VPS13B: variants seen among roughly 807,000 people sequenced by gnomAD.
VPS13B encodes vacuolar protein sorting 13 homolog B, also known as intermembrane lipid transfer protein VPS13B.
VPS13B carries 285 observed loss-of-function variants against 426.4 expected under a neutral mutation model. The observed-to-expected ratio is 0.67, with a 90% confidence interval of 0.61 to 0.74. VPS13B has a LOEUF of 0.74. Ranked by LOEUF, VPS13B falls within the 30% of genes least tolerant of loss-of-function variation. The pLI, the probability that VPS13B is intolerant of heterozygous loss-of-function variation, is 0.00. For missense variants in VPS13B, 4,537 were observed against 4,782.6 expected (o/e 0.95, Z 1.51); for synonymous variants, 1,676 against 1,676.4 (o/e 1.00, Z 0.01).
At chr8:99,041,446 C>T (rs1183071195) in intron 3 of VPS13B, among the ~76,000 whole-genome samples, 2 of 152,204 alleles carry the variant, frequency 1.3e-5, no homozygotes, top group Non-Finnish European at 2.9e-5. Flanking sequence ...ATGTGCTCCT[C>T]TCCTTTTTCA....
At chr8:99,348,130 G>C (rs1811645496) in intron 19 of VPS13B, 1 of 152,236 alleles carries the variant, frequency 6.6e-6, no homozygotes, top group African/African-American at 2.4e-5. Context: ...TCAGAGCCTG[G>C]TTCAATCATT....
At chr8:99,301,892 G>T (rs751626101) in intron 19 of VPS13B, among the ~76,000 whole-genome samples, 6 of 152,072 alleles carry the variant, frequency 3.9e-5, no homozygotes, top group Non-Finnish European at 7.4e-5. Flanking sequence ...CTCCCCAAAT[G>T]CTGGGATAAC....
At chr8:99,703,088 G>A (rs187004551) in intron 36 of VPS13B, among the ~76,000 whole-genome samples, 2 of 152,102 alleles carry the variant, frequency 1.3e-5, no homozygotes, top group Admixed American at 6.5e-5. Context: ...TTTCTCCCCC[G>A]GGCATTCCGA....
chr8:99,824,187 C>T (rs1246349395), intron 51 of VPS13B, among the ~76,000 whole-genome samples: 2 of 152,166 alleles, frequency 1.3e-5, no homozygotes, highest in Non-Finnish European at 2.9e-5. Context: ...AAGAAGGAGG[C>T]CCTGACACAC....
intron 17 of VPS13B, 89 bp downstream of exon 17, chr8:99,193,146 GGT>G: frequency 7.8e-7 from 1 of 1,286,902 alleles, no homozygotes; most frequent in Non-Finnish European, 1.1e-6. Context: ...TGTCTAGCAT[GGT>G]CAACTTAAAT....
chr8:99,536,694 G>A (rs1443933715), intron 30 of VPS13B: 1 of 534,328 alleles, frequency 1.9e-6, no homozygotes, highest in Non-Finnish European at 3.8e-6. Context: ...CCTGTCCCAT[G>A]TCAGCTTATC....
rs1480632042 is a variant in VPS13B at position 99,193,043 on chromosome 8, T to C, written c.2501T>C (p.Ile834Thr). Residue 834 changes from isoleucine (I) to threonine (T), a missense_variant, in exon 17 of 62, where the codon ATC (isoleucine) becomes ACC (threonine). Ile to Thr is a moderately conservative substitution (Grantham distance 89). Coordinates refer to ENST00000357162, the MANE Select transcript of VPS13B (RefSeq NM_152564.5). ...GTGATTGAAGCTTTGATAAATGAAATCTTCCTAAGTATAGGTAAGAGCACA... is the reference window on the plus strand; with the variant it reads ...GTGATTGAAGCTTTGATAAATGAAACCTTCCTAAGTATAGGTAAGAGCACA... ...SAVIEALINE[I>T]FLSIGVKSKN... The C allele has an allele frequency of 6.2e-7, 1 of 1,613,464 alleles. No individual in the cohort carries two copies. Among genetic ancestry groups the C allele is most frequent in the African/African-American group, 1.3e-5 (1 of 74,920 alleles).
chr8:99,820,219 G>A, intron 49 of VPS13B, 97 bp downstream of exon 49: 2 of 1,255,900 alleles, frequency 1.6e-6, no homozygotes, highest in South Asian at 1.3e-5. Context: ...TGAATCAGTT[G>A]TGAAAAATTC....
At chr8:99,515,284 G>A (rs1821997414) in intron 29 of VPS13B, among the ~76,000 whole-genome samples, 1 of 152,084 alleles carries the variant, frequency 6.6e-6, no homozygotes, top group Non-Finnish European at 1.5e-5. Context: ...TTCCCATTGA[G>A]TTGCTTCAAC....
intron 3 of VPS13B, among the ~76,000 whole-genome samples, chr8:99,072,065 G>A (rs762430815): frequency 6.6e-6 from 1 of 151,992 alleles, no homozygotes; most frequent in Non-Finnish European, 1.5e-5. Context: ...GGTGCTCTGC[G>A]ATTTTGTGGT....
chr8:99,073,102 T>G (rs1040531353), intron 3 of VPS13B, among the ~76,000 whole-genome samples: 1 of 152,136 alleles, frequency 6.6e-6, no homozygotes, highest in East Asian at 1.9e-4. Context: ...TTCCTCTCCT[T>G]CTGTCAAGCA....
At chr8:99,643,180 G>C (rs1243315276) in intron 34 of VPS13B, among the ~76,000 whole-genome samples, 3 of 152,086 alleles carry the variant, frequency 2.0e-5, no homozygotes, top group Non-Finnish European at 4.4e-5. Flanking sequence ...GTCAAGCAAG[G>C]TGACAGTATA....
chr8:99,840,583 T>A (rs986380460), intron 54 of VPS13B, among the ~76,000 whole-genome samples: 2 of 152,192 alleles, frequency 1.3e-5, no homozygotes, highest in Admixed American at 6.5e-5. Flanking sequence ...ATGGGGTCAA[T>A]CAGCCAGACT....
chr8:99,138,428 G>C (rs934344489), intron 12 of VPS13B, among the ~76,000 whole-genome samples: 1 of 152,182 alleles, frequency 6.6e-6, no homozygotes, highest in Non-Finnish European at 1.5e-5. Context: ...CACTCAGCCA[G>C]GTTCTAAAGC....
intron 33 of VPS13B, among the ~76,000 whole-genome samples, chr8:99,618,614 G>A (rs1371270293): frequency 2.6e-5 from 4 of 152,140 alleles, no homozygotes; most frequent in African/African-American, 4.8e-5. Flanking sequence ...AATTCTGTCC[G>A]TGAGCAACCT....
intron 35 of VPS13B, among the ~76,000 whole-genome samples, chr8:99,687,521 A>T (rs1294587801): frequency 1.3e-5 from 2 of 151,836 alleles, no homozygotes; most frequent in African/African-American, 4.9e-5. Flanking sequence ...TGCCCACAGG[A>T]TGGTTCTCCT....
At chr8:99,505,039 G>A (rs1293524967) in intron 27 of VPS13B, among the ~76,000 whole-genome samples, 2 of 152,160 alleles carry the variant, frequency 1.3e-5, no homozygotes, top group Admixed American at 1.3e-4. Flanking sequence ...CTTTCCTTAA[G>A]CCTCCTGAAC....
chr8:99,088,759 A>G (rs1845980992), intron 3 of VPS13B, among the ~76,000 whole-genome samples: 1 of 152,190 alleles, frequency 6.6e-6, no homozygotes, highest in Admixed American at 6.5e-5. Flanking sequence ...AATAAAGTTT[A>G]AATTTCTTGG....
At chr8:99,289,062 T>TGAAAGAAA (rs1340543285) in intron 19 of VPS13B, among the ~76,000 whole-genome samples, 90 of 148,940 alleles carry the variant, frequency 6.0e-4, no homozygotes, top group Non-Finnish European at 1.0e-3. Context: ...AATGAATGAA[T>TGAAAGAAA]GAAAGAAGGA....
Sources: allele counts gnomAD v4.1 joint callset (sites outside exome capture counted in the v4.1 genomes callset), GRCh38; gene constraint gnomAD v4.1.1; transcripts MANE v1.5; gene names NCBI Gene and HGNC (gene_info 2026-07-23, HGNC 2026-07-21).